ZNG1A: variants seen among roughly 807,000 people sequenced by gnomAD.
The protein encoded by ZNG1A is Zn regulated GTPase metalloprotein activator 1A.
chr9:170,205 C>T, the ZNG1A span, among the ~76,000 whole-genome samples: 3,443 of 143,236 alleles, frequency 0.024, 13 homozygotes, highest in African/African-American at 0.043. Context: ...TTAGAGATTC[C>T]GATTCAGTAG....
the ZNG1A span, among the ~76,000 whole-genome samples, chr9:139,430 G>C: frequency 6.7e-6 from 1 of 149,608 alleles, no homozygotes; most frequent in East Asian, 2.0e-4. Context: ...AAACATTCCA[G>C]AGATCTGCTG....
At chr9:133,754 G>A in the ZNG1A span, among the ~76,000 whole-genome samples, 2 of 146,850 alleles carry the variant, frequency 1.4e-5, no homozygotes, top group Non-Finnish European at 3.0e-5. Flanking sequence ...TTTGAGAAAC[G>A]CAGCTTTTCA....
the ZNG1A span, among the ~76,000 whole-genome samples, chr9:176,375 T>C: frequency 6.9e-6 from 1 of 143,922 alleles, no homozygotes; most frequent in South Asian, 2.3e-4. Context: ...TGTAGTTCAA[T>C]TGTATGACTA....
the ZNG1A span, chr9:152,061 C>T: frequency 1.6e-6 from 1 of 637,156 alleles, no homozygotes. Flanking sequence ...TAAGATTTGT[C>T]CTAGTCCATT....
the ZNG1A span, among the ~76,000 whole-genome samples, chr9:145,389 T>A: frequency 7.9e-5 from 12 of 151,192 alleles, no homozygotes; most frequent in African/African-American, 2.4e-4. Context: ...TGAGTTCATG[T>A]CCTTTGTAGG....
the ZNG1A span, among the ~76,000 whole-genome samples, chr9:163,214 C>T: frequency 0.026 from 3,941 of 151,956 alleles, 158 homozygotes; most frequent in African/African-American, 0.091. Context: ...AAGAAAGTTT[C>T]TAATATATTT....
chr9:158,841 T>G, the ZNG1A span, among the ~76,000 whole-genome samples: 1 of 152,048 alleles, frequency 6.6e-6, no homozygotes, highest in African/African-American at 2.4e-5. Flanking sequence ...ATACAAACAT[T>G]TAAAAAATAA....
the ZNG1A span, among the ~76,000 whole-genome samples, chr9:164,983 T>G: frequency 6.6e-6 from 1 of 152,214 alleles, no homozygotes; most frequent in South Asian, 2.1e-4. Flanking sequence ...ACCTATTGAT[T>G]TTTTTCCCAA....
the ZNG1A span, among the ~76,000 whole-genome samples, chr9:143,144 A>G: frequency 1.4e-5 from 2 of 147,780 alleles, no homozygotes; most frequent in Non-Finnish European, 3.0e-5. Context: ...ATTCCTTCTG[A>G]AACTATTCCA....
At chr9:161,525 C>T in the ZNG1A span, 6 of 1,232,402 alleles carry the variant, frequency 4.9e-6, no homozygotes, top group Non-Finnish European at 6.4e-6. Context: ...ACAAAACAGA[C>T]ACTAATTTTT....
the ZNG1A span, chr9:147,753 G>A: frequency 2.0e-5 from 3 of 148,648 alleles, no homozygotes; most frequent in East Asian, 5.8e-4. Flanking sequence ...ATATTGACAG[G>A]TCACAGACAA....
At chr9:154,521 C>A in the ZNG1A span, 2 of 593,430 alleles carry the variant, frequency 3.4e-6, no homozygotes, top group South Asian at 4.3e-5. Flanking sequence ...TCTGCAAGCA[C>A]TGGGGACTAA....
chr9:177,925 T>C, the ZNG1A span: 17 of 1,479,052 alleles, frequency 1.1e-5, no homozygotes, highest in Admixed American at 2.1e-5. Context: ...CAAAAGCAGT[T>C]ATTTCTTATT....
the ZNG1A span, among the ~76,000 whole-genome samples, chr9:173,538 T>C: frequency 6.6e-6 from 1 of 151,698 alleles, no homozygotes; most frequent in African/African-American, 2.4e-5. Context: ...CACTACATTA[T>C]TTTAGCTTTT....
the ZNG1A span, among the ~76,000 whole-genome samples, chr9:152,393 TAGTC>T: frequency 7.9e-5 from 12 of 152,320 alleles, no homozygotes; most frequent in South Asian, 2.1e-4. Context: ...CATTCATAAA[TAGTC>T]AGTTATCCTA....
At chr9:175,265 C>T in the ZNG1A span, among the ~76,000 whole-genome samples, 2 of 151,916 alleles carry the variant, frequency 1.3e-5, no homozygotes, top group African/African-American at 4.8e-5. Flanking sequence ...GTAGTCCCAG[C>T]TACTCAGGAG....
the ZNG1A span, among the ~76,000 whole-genome samples, chr9:128,939 C>T: frequency 6.6e-6 from 1 of 151,830 alleles, no homozygotes; most frequent in Non-Finnish European, 1.5e-5. Context: ...GTAGTGATTG[C>T]TATCTCTCTT....
At chr9:177,456 G>A in the ZNG1A span, among the ~76,000 whole-genome samples, 1 of 151,314 alleles carries the variant, frequency 6.6e-6, no homozygotes, top group Non-Finnish European at 1.5e-5. Context: ...TAAGTTTTAA[G>A]TTGTAGGACA....
At chr9:135,796 T>C in the ZNG1A span, among the ~76,000 whole-genome samples, 1 of 114,612 alleles carries the variant, frequency 8.7e-6, no homozygotes, top group Non-Finnish European at 1.6e-5. Context: ...TTGGAGGGAA[T>C]GAGTCTCTTT....
Sources: allele counts gnomAD v4.1 joint callset (sites outside exome capture counted in the v4.1 genomes callset), GRCh38; gene constraint gnomAD v4.1.1; transcripts MANE v1.5; gene names NCBI Gene and HGNC (gene_info 2026-07-23, HGNC 2026-07-21).